NAALAD2: variants seen among roughly 807,000 people sequenced by gnomAD.
NAALAD2 encodes the protein N-acetylated alpha-linked acidic dipeptidase 2, also known as N-acetylated-alpha-linked acidic dipeptidase 2.
Under a neutral mutation model 95.6 loss-of-function variants are expected in NAALAD2, and 89 were observed. The ratio of observed to expected loss-of-function variants is 0.93; its 90% CI spans 0.78 to 1.11. NAALAD2 has a LOEUF of 1.11. NAALAD2 is among the 50% of genes least tolerant of loss of function. The pLI, the probability that NAALAD2 is intolerant of heterozygous loss-of-function variation, is 0.00. For synonymous variants in NAALAD2, 264 were observed against 294.4 expected (o/e 0.90, Z 1.06); for missense variants, 894 against 872.4 (o/e 1.02, Z -0.31).
intron 6 of NAALAD2, among the ~76,000 whole-genome samples, chr11:90,154,073 T>G (rs75062944): frequency 0.049 from 7,346 of 151,404 alleles, 222 homozygotes; most frequent in Middle Eastern, 0.11. Context: ...CTCTCTTTCT[T>G]TCTTTCTCTC....
chr11:90,155,406 A>AAT (rs1207843030), intron 6 of NAALAD2, among the ~76,000 whole-genome samples: 8 of 85,286 alleles, frequency 9.4e-5, no homozygotes, highest in South Asian at 6.5e-4. Context: ...TAATATATAT[A>AAT]ATGTAATATT....
chr11:90,167,208 ACCGGGGCTGCGCGGG>A (rs1952485594), intron 11 of NAALAD2, among the ~76,000 whole-genome samples: 2 of 152,080 alleles, frequency 1.3e-5, no homozygotes, highest in East Asian at 3.9e-4. Context: ...GCGGGCGGGA[ACCGGGGCTGCGCGGG>A]CGCTTGCGGC....
chr11:90,136,617 T>C, intron 2 of NAALAD2, among the ~76,000 whole-genome samples: 1 of 152,220 alleles, frequency 6.6e-6, no homozygotes. Context: ...CATGCATTAG[T>C]AGTTCATTAT....
Position 90,181,492 on chromosome 11 carries a change from C to A in NAALAD2, c.1859-128C>A, listed in dbSNP as rs1016729114. On this transcript the variant is annotated intron_variant, in intron 16 of 18. Transcript: ENST00000534061. ...TTTTCTACTAATTTTCATGGATCTG[C>A]AAGAAGACTCAGTAGAAAAATGGCT... 6.1e-6 allele frequency: 4 copies of A among 652,364 alleles called. No homozygotes were observed. The Admixed American group carries it at 8.9e-5, about 15-fold the overall frequency. 40.4% of individuals were successfully genotyped at this position (652,364 alleles called of 1,614,324 possible).
intron 2 of NAALAD2, among the ~76,000 whole-genome samples, chr11:90,143,145 A>G (rs1274550026): frequency 1.3e-5 from 2 of 152,072 alleles, no homozygotes. Flanking sequence ...TAAAATTAGT[A>G]TTTCATGTTT....
At chr11:90,177,747 C>G in intron 15 of NAALAD2, 106 bp from the exon 16 acceptor site, 1 of 1,177,306 alleles carries the variant, frequency 8.5e-7, no homozygotes, top group Non-Finnish European at 1.2e-6. Flanking sequence ...GCCACCATGA[C>G]TGGCTGGTTG....
intron 16 of NAALAD2, among the ~76,000 whole-genome samples, chr11:90,180,200 C>T (rs2000790): frequency 0.42 from 63,164 of 151,890 alleles, 13,419 homozygotes; most frequent in African/African-American, 0.5. Flanking sequence ...TTGCAAAAGT[C>T]GTCATTGACA....
At chr11:90,181,914 T>A (rs1952984272) in intron 17 of NAALAD2, among the ~76,000 whole-genome samples, 1 of 151,944 alleles carries the variant, frequency 6.6e-6, no homozygotes, top group Non-Finnish European at 1.5e-5. Context: ...TTTTGCATTT[T>A]AACTACCACC....
chr11:90,150,424 TTTG>T (rs1951856847), intron 4 of NAALAD2, 55 bp from the exon 5 acceptor site: 3 of 1,212,284 alleles, frequency 2.5e-6, no homozygotes, highest in South Asian at 3.3e-5. Context: ...AAACTTATTT[TTTG>T]TTTTTTTTTT....
intron 11 of NAALAD2, among the ~76,000 whole-genome samples, chr11:90,166,827 T>G (rs1318697744): frequency 7.4e-6 from 1 of 134,946 alleles, no homozygotes; most frequent in African/African-American, 2.9e-5. Flanking sequence ...AGAGCAAGAT[T>G]CTGTCTCCAA....
intron 6 of NAALAD2, among the ~76,000 whole-genome samples, chr11:90,154,504 C>T (rs987101966): frequency 6.6e-6 from 1 of 151,604 alleles, no homozygotes; most frequent in Non-Finnish European, 1.5e-5. Flanking sequence ...ATGTATTATC[C>T]TTTTATATAT....
At chr11:90,168,837 A>T (rs1952552421) in intron 11 of NAALAD2, 92 bp from the exon 12 acceptor site, 1 of 1,031,312 alleles carries the variant, frequency 9.7e-7, no homozygotes, top group African/African-American at 1.6e-5. Context: ...GATACTTGTA[A>T]ACCGCTTTTC....
intron 11 of NAALAD2, among the ~76,000 whole-genome samples, chr11:90,167,798 G>T (rs1206152182): frequency 6.6e-6 from 1 of 152,124 alleles, no homozygotes. Context: ...AAGAACTTTT[G>T]TGTGTAGCTC....
Position 90,191,723 on chromosome 11 carries a change from A to G in NAALAD2, c.2199A>G (p.Ala733=). The stretch of plus-strand genomic sequence containing the variant: ...CAGCTTTTACAATTCAAGCAGCAGC[A>G]GGAACTCTGAAAGAAGTATTATAGA... ...SIAAFTIQAA[A]GTLKEVL is the part of the protein sequence containing the mutation. The change falls in exon 19 of 19, where the codon GCA becomes GCG. Residue 733 remains alanine, a synonymous_variant. Transcript: ENST00000534061. 1 of 1,589,992 alleles carries G rather than the reference A, an allele frequency of 6.3e-7. No homozygotes were observed. The highest frequency in any genetic ancestry group is 1.2e-5 in the South Asian group (1 of 85,244).
chr11:90,188,005 C>T (rs549043805), intron 18 of NAALAD2, among the ~76,000 whole-genome samples: 2 of 152,108 alleles, frequency 1.3e-5, no homozygotes, highest in Admixed American at 6.6e-5. Context: ...TGAAGAGTTA[C>T]AGACAGAAAA....
At chr11:90,169,125 C>T in intron 12 of NAALAD2, 133 bp downstream of exon 12, 1 of 558,326 alleles carries the variant, frequency 1.8e-6, no homozygotes, top group Non-Finnish European at 3.1e-6. Context: ...ATATCCCCTT[C>T]CTTTGAGATG....
Position 90,166,550 on chromosome 11 carries a change from G to T in NAALAD2, c.1279-2379G>T, listed in dbSNP as rs190873684. On this transcript the variant is annotated intron_variant, in intron 11 of 18. Coordinates refer to ENST00000534061, the MANE Select transcript of NAALAD2 (RefSeq NM_005467.4). ...CCAGTTATATCTATTAGGAAATACA[G>T]ATTGGCTGGGCGCGGTGGCTCACGC... 1.4e-3 allele frequency among the ~76,000 whole-genome samples: 211 copies of T among 152,276 alleles called. 3 individuals are homozygous for T. The highest frequency in any genetic ancestry group is 4.9e-3 in the African/African-American group (205 of 41,562).
intron 5 of NAALAD2, 56 bp from the exon 6 acceptor site, chr11:90,152,242 T>C (rs1951907635): frequency 6.9e-7 from 1 of 1,457,826 alleles, no homozygotes; most frequent in Non-Finnish European, 9.3e-7. Flanking sequence ...CTTTCTTATA[T>C]GAATAAGCCA....
At chr11:90,187,238 T>C (rs1276424389) in intron 18 of NAALAD2, among the ~76,000 whole-genome samples, 1 of 151,826 alleles carries the variant, frequency 6.6e-6, no homozygotes, top group Non-Finnish European at 1.5e-5. Flanking sequence ...TGTAAACTAG[T>C]TCAACCATTG....
Sources: gnomAD v4.1 joint callset for allele counts (sites outside exome capture counted in the v4.1 genomes callset) on GRCh38, gnomAD v4.1.1 for gene constraint, MANE v1.5 for transcripts, NCBI Gene and HGNC (gene_info 2026-07-23, HGNC 2026-07-21) for gene names.